The following PGAP1 variants were observed in gnomAD, a reference collection of about 807,000 sequenced individuals.
PGAP1 encodes post-GPI attachment to proteins inositol deacylase 1.
In PGAP1, 76 loss-of-function variants were observed where a neutral mutation model predicts 127.0. The observed-to-expected ratio is 0.60, with a 90% CI of 0.50 to 0.72. PGAP1 has a LOEUF of 0.72. Ranked by LOEUF, PGAP1 falls within the 30% of genes least tolerant of loss-of-function variation. PGAP1 has a pLI of 0.00. For synonymous variants in PGAP1, 362 were observed against 366.5 expected (o/e 0.99, Z 0.14); for missense variants, 982 against 1,071.3 (o/e 0.92, Z 1.16).
Position 196,839,757 on chromosome 2 carries a change from C to G in PGAP1, c.*1477G>C, listed in dbSNP as rs933893873. On this transcript the variant is annotated 3_prime_UTR_variant, in exon 27 of 27. Transcript: ENST00000354764. The stretch of plus-strand genomic sequence containing the variant: ...AGAAGTAACTGTCCACAGGCAGTAA[C>G]AGCTGAGAGGCTGTAATGGAATCCA... The G allele has an allele frequency of 2.0e-5, 3 of 152,186 alleles. No homozygotes were observed. Among genetic ancestry groups the G allele is most frequent in the Non-Finnish European group, 4.4e-5 (3 of 68,046 alleles). The allele number at this position is 152,186 out of a possible 1,614,324, so 9.4% of individuals were successfully genotyped here. A position where few individuals can be genotyped will look rare whatever the true frequency, so the allele number is the denominator to read the frequency against.
In PGAP1 at chr2:196,845,979, G is replaced by C. The variant is rs1317107963; in HGVS notation, c.2189C>G (p.Pro730Arg). The C allele has an allele frequency of 1.9e-6, 3 of 1,602,486 alleles. No individual in the cohort carries two copies. The highest frequency in any genetic ancestry group is 2.6e-6 in the Non-Finnish European group (3 of 1,172,244). ...GACAATTGTCAAAAAGGGCAAGTCT[G>C]GTGATATCATCTTGATATCTTTAGG... ...ELPKDIKMIS[P>R]DLPFLTIVLI... The change falls in exon 23 of 27, where the codon CCA becomes CGA. Residue 730 changes from proline to arginine, a missense_variant. By Grantham distance (103) the Pro-to-Arg change is moderately radical. Transcript: ENST00000354764.
intron 8 of PGAP1, among the ~76,000 whole-genome samples, chr2:196,892,811 A>C (rs1311038182): frequency 1.3e-5 from 2 of 152,122 alleles, no homozygotes; most frequent in African/African-American, 4.8e-5. Flanking sequence ...CTGATAATTG[A>C]GGAACTAAAA....
Position 196,836,063 on chromosome 2 carries a change from C to T in PGAP1, c.*5171G>A, listed in dbSNP as rs766347929. The T allele has an allele frequency of 4.6e-5, 7 of 151,796 alleles. No individual in the cohort carries two copies. The highest frequency in any genetic ancestry group is 1.9e-4 in the East Asian group (1 of 5,160). The allele number at this position is 151,796 out of a possible 1,614,324, so 9.4% of individuals were successfully genotyped here. Reference sequence around the variant, plus strand: ...CTAAACTAAAATCGGAATTCAAATACGCAAACAAATCTACACTAACTAATC... The same window carrying T: ...CTAAACTAAAATCGGAATTCAAATATGCAAACAAATCTACACTAACTAATC... On this transcript the variant is annotated 3_prime_UTR_variant, in exon 27 of 27. Coordinates refer to ENST00000354764, the MANE Select transcript of PGAP1 (RefSeq NM_024989.4).
intron 7 of PGAP1, among the ~76,000 whole-genome samples, chr2:196,896,777 C>T (rs1174812940): frequency 2.1e-5 from 3 of 142,290 alleles, no homozygotes; most frequent in South Asian, 2.2e-4. Flanking sequence ...TGCAGTGAGC[C>T]GAGATCACGC....
At chr2:196,862,282 C>T (rs1701093643) in intron 20 of PGAP1, among the ~76,000 whole-genome samples, 2 of 152,222 alleles carry the variant, frequency 1.3e-5, no homozygotes, top group South Asian at 4.2e-4. Flanking sequence ...AGACCCCAGT[C>T]TCTCATAGTG....
chr2:196,926,036 G>A (rs1001362161), intron 1 of PGAP1, among the ~76,000 whole-genome samples: 1 of 152,114 alleles, frequency 6.6e-6, no homozygotes, highest in Admixed American at 6.6e-5. Context: ...AGGCGCGTGG[G>A]AAGCAAAGGA....
rs149621310 is a variant in PGAP1 at position 196,925,472 on chromosome 2, T to C, written c.147+998A>G. Among the ~76,000 whole-genome samples the C allele has an allele frequency of 8.5e-5, 13 of 152,346 alleles. No individual in the cohort carries two copies. In the East Asian group the frequency reaches 1.5e-3, roughly 18 times the overall value. The stretch of plus-strand genomic sequence containing the variant: ...AATTATTACAATAGGTAGTCCATAA[T>C]TAAGAGATGCACTTAGAAATAAAAG... On this transcript the variant is annotated intron_variant, in intron 1 of 26. Transcript: ENST00000354764.
chr2:196,879,430 C>G (rs1405300759), intron 13 of PGAP1, among the ~76,000 whole-genome samples: 1 of 152,166 alleles, frequency 6.6e-6, no homozygotes, highest in Non-Finnish European at 1.5e-5. Flanking sequence ...CGCGGTGGCT[C>G]ACACCTGTAA....
At chr2:196,867,222 T>C (rs1052908017) in intron 19 of PGAP1, among the ~76,000 whole-genome samples, 1 of 152,086 alleles carries the variant, frequency 6.6e-6, no homozygotes, top group Non-Finnish European at 1.5e-5. Flanking sequence ...AGCAAAGACT[T>C]GGAATCAACC....
At chr2:196,843,250 T>A (rs1400245919) in intron 25 of PGAP1, among the ~76,000 whole-genome samples, 3 of 152,208 alleles carry the variant, frequency 2.0e-5, no homozygotes, top group African/African-American at 4.8e-5. Context: ...CAGTAAAATG[T>A]CTATAGCCTT....
At chr2:196,843,637 A>G (rs917162822) in intron 25 of PGAP1, among the ~76,000 whole-genome samples, 1 of 152,090 alleles carries the variant, frequency 6.6e-6, no homozygotes, top group Non-Finnish European at 1.5e-5. Flanking sequence ...TGTATTAAAA[A>G]TAAATTGCTT....
intron 20 of PGAP1, among the ~76,000 whole-genome samples, chr2:196,856,557 C>T (rs1431855507): frequency 6.6e-6 from 1 of 152,150 alleles, no homozygotes; most frequent in Non-Finnish European, 1.5e-5. Context: ...TCTGAGAGCC[C>T]TGTAAGCTGA....
intron 4 of PGAP1, among the ~76,000 whole-genome samples, chr2:196,911,706 A>T (rs966265162): frequency 3.3e-5 from 5 of 151,602 alleles, no homozygotes; most frequent in Admixed American, 3.3e-4. Context: ...TTCTTTCTAA[A>T]GATTTTCATC....
In PGAP1 at chr2:196,872,475, A is replaced by G; in HGVS notation, c.1694T>C (p.Phe565Ser). The G allele has an allele frequency of 6.2e-7, 1 of 1,612,880 alleles. No homozygotes were observed. The highest frequency in any genetic ancestry group is 8.5e-7 in the Non-Finnish European group (1 of 1,178,892). ...QPENNTHVALFKMYTSSDCRY... is the reference protein window; with the variant it reads ...QPENNTHVALSKMYTSSDCRY... The stretch of plus-strand genomic sequence containing the variant: ...ACAGTCTGATGACGTGTACATTTTA[A>G]ATAATGCCACATGGGTATTGTTTTC... Residue 565 changes from phenylalanine to serine, a missense_variant, in exon 18 of 27, where the codon TTT becomes TCT. Phe to Ser is a radical substitution (Grantham distance 155). Coordinates refer to ENST00000354764, the MANE Select transcript of PGAP1 (RefSeq NM_024989.4).
rs1700221488 is a variant in PGAP1 at position 196,835,808 on chromosome 2, T to A, written c.*5426A>T. The A allele has an allele frequency of 6.6e-6, 1 of 152,372 alleles. No homozygotes were observed. Among genetic ancestry groups the A allele is most frequent in the Non-Finnish European group, 1.5e-5 (1 of 67,870 alleles). 9.4% of individuals were successfully genotyped at this position (152,372 alleles called of 1,614,324 possible). A position where few individuals can be genotyped will look rare whatever the true frequency, so the allele number is the denominator to read the frequency against. On this transcript the variant is annotated 3_prime_UTR_variant, in exon 27 of 27. Coordinates refer to ENST00000354764, the MANE Select transcript of PGAP1 (RefSeq NM_024989.4). ...TTATGCTAAAGAGAATTCAAATGTG[T>A]CTCTTTTTTTTGCTAAAAAAGGGAT...
chr2:196,897,575 G>A lies in PGAP1; in HGVS notation c.861-378C>T, dbSNP rs1008102794. Reference sequence around the variant, plus strand: ...GAGAATCTTTAAGCTGAAACACAATGAGATAAATATATCAGGGGCTGCCTA... The same window carrying A: ...GAGAATCTTTAAGCTGAAACACAATAAGATAAATATATCAGGGGCTGCCTA... On this transcript the variant is annotated intron_variant, in intron 6 of 26. Coordinates refer to ENST00000354764, the MANE Select transcript of PGAP1 (RefSeq NM_024989.4). 1.8e-4 allele frequency among the ~76,000 whole-genome samples: 27 copies of A among 152,094 alleles called. 2 individuals carry two copies. The highest frequency in any genetic ancestry group is 5.8e-4 in the African/African-American group (24 of 41,422).
intron 20 of PGAP1, among the ~76,000 whole-genome samples, chr2:196,858,297 G>A (rs750868652): frequency 1.5e-4 from 23 of 151,910 alleles, no homozygotes; most frequent in Non-Finnish European, 1.5e-5. Flanking sequence ...AGTTACTCAG[G>A]AGACTGAGGC....
In PGAP1 at chr2:196,871,050, C is replaced by T. The variant is rs1289691206; in HGVS notation, c.1729-71G>A. Reference sequence around the variant, plus strand: ...CTCCTTTACATTTTATTAAATTGAGCACTTATGCATATCTCTAAGCATAAT... The same window carrying T: ...CTCCTTTACATTTTATTAAATTGAGTACTTATGCATATCTCTAAGCATAAT... On this transcript the variant is annotated intron_variant, in intron 18 of 26. Coordinates refer to ENST00000354764, the MANE Select transcript of PGAP1 (RefSeq NM_024989.4). 2.5e-5 allele frequency: 27 copies of T among 1,079,720 alleles called. No homozygotes were observed. In the Admixed American group the frequency reaches 4.2e-4, roughly 17 times the overall value. 66.9% of individuals were successfully genotyped at this position (1,079,720 alleles called of 1,614,324 possible).
chr2:196,870,924 C>T lies in PGAP1; in HGVS notation c.1767+17G>A. The T allele has an allele frequency of 2.5e-6, 4 of 1,598,700 alleles. No individual in the cohort carries two copies. The highest frequency in any genetic ancestry group is 3.4e-6 in the Non-Finnish European group (4 of 1,167,248). On this transcript the variant is annotated intron_variant, in intron 19 of 26. Transcript: ENST00000354764. ...CATAAAGCAGTAAATAATCAACCAG[C>T]CAGGAATCTCTCTTACCTGTCCAAG...
Sources: allele counts gnomAD v4.1 joint callset (sites outside exome capture counted in the v4.1 genomes callset), GRCh38; gene constraint gnomAD v4.1.1; transcripts MANE v1.5; gene names NCBI Gene and HGNC (gene_info 2026-07-23, HGNC 2026-07-21).